CYTH1: variants seen among roughly 807,000 people sequenced by gnomAD.
The protein encoded by CYTH1 is cytohesin-1.
A neutral mutation model predicts 61.8 loss-of-function variants in CYTH1; 18 were observed. The observed-to-expected ratio is 0.29, with a 90% CI of 0.20 to 0.43. The LOEUF (loss-of-function observed/expected upper bound fraction) is 0.43, where lower values mean the gene tolerates loss of function less well. Ranked by LOEUF, CYTH1 falls within the 20% of genes least tolerant of loss-of-function variation. CYTH1 has a pLI of 1.00. For synonymous variants in CYTH1, 174 were observed against 184.3 expected (o/e 0.94, Z 0.45); for missense variants, 336 against 510.5 (o/e 0.66, Z 3.29).
intron 1 of CYTH1, among the ~76,000 whole-genome samples, chr17:78,748,760 T>C (rs1310225015): frequency 6.6e-6 from 1 of 152,136 alleles, no homozygotes; most frequent in Non-Finnish European, 1.5e-5. Flanking sequence ...TTTTGTCCCT[T>C]GTTGCTTTGG....
At chr17:78,776,358 TG>T (rs2093490875) in intron 1 of CYTH1, among the ~76,000 whole-genome samples, 1 of 151,978 alleles carries the variant, frequency 6.6e-6, no homozygotes, top group Admixed American at 6.6e-5. Context: ...AAATATATAC[TG>T]GCAACAGTAC....
intron 1 of CYTH1, among the ~76,000 whole-genome samples, chr17:78,766,452 T>C (rs2093449055): frequency 6.6e-6 from 1 of 152,158 alleles, no homozygotes; most frequent in Non-Finnish European, 1.5e-5. Flanking sequence ...GTAATTCTTG[T>C]TGCCACAACA....
At chr17:78,680,945 C>A (rs1326670643) in intron 12 of CYTH1, 26 bp downstream of exon 12, 2 of 1,612,726 alleles carry the variant, frequency 1.2e-6, no homozygotes, top group South Asian at 2.2e-5. Flanking sequence ...TTTCTCCCCT[C>A]AAAATATCTC....
chr17:78,769,691 G>A (rs964243154), intron 1 of CYTH1, among the ~76,000 whole-genome samples: 2 of 152,172 alleles, frequency 1.3e-5, no homozygotes, highest in Non-Finnish European at 2.9e-5. Flanking sequence ...CATGCTTGTT[G>A]ACTGAATAAA....
At chr17:78,759,540 G>GTAGCTATATACTTGGTAGC (rs1255995978) in intron 1 of CYTH1, among the ~76,000 whole-genome samples, 6 of 152,208 alleles carry the variant, frequency 3.9e-5, no homozygotes, top group Admixed American at 3.9e-4. Context: ...AAGTGGGTAG[G>GTAGCTATATACTTGGTAGC]TAGCTATATA....
At chr17:78,711,527 G>C (rs1221773174) in intron 1 of CYTH1, among the ~76,000 whole-genome samples, 3 of 151,988 alleles carry the variant, frequency 2.0e-5, no homozygotes, top group Non-Finnish European at 4.4e-5. Context: ...CTCTGCTTGA[G>C]AGCACAGTTA....
At chr17:78,684,436 C>T (rs545037783) in intron 11 of CYTH1, among the ~76,000 whole-genome samples, 3 of 152,334 alleles carry the variant, frequency 2.0e-5, no homozygotes, top group Admixed American at 6.5e-5. Context: ...GCAGGCTGCA[C>T]CCCTCAGTGA....
chr17:78,691,048 G>C (rs1030390336), intron 11 of CYTH1, among the ~76,000 whole-genome samples: 2 of 152,218 alleles, frequency 1.3e-5, no homozygotes, highest in Non-Finnish European at 2.9e-5. Flanking sequence ...GGTACTTTGG[G>C]GGTGAAGCAG....
At chr17:78,773,029 C>T (rs2093477787) in intron 1 of CYTH1, among the ~76,000 whole-genome samples, 2 of 152,162 alleles carry the variant, frequency 1.3e-5, no homozygotes, top group Admixed American at 1.3e-4. Context: ...GATGGGTTTT[C>T]ACCATGTTGC....
chr17:78,733,458 T>A (rs1422172364), intron 1 of CYTH1, among the ~76,000 whole-genome samples: 1 of 152,238 alleles, frequency 6.6e-6, no homozygotes, highest in Non-Finnish European at 1.5e-5. Flanking sequence ...CTCAGCTCTT[T>A]TTTTTTTCTC....
chr17:78,777,419 AAAAT>A (rs1567889266), intron 1 of CYTH1, among the ~76,000 whole-genome samples: 1 of 152,194 alleles, frequency 6.6e-6, no homozygotes, highest in Non-Finnish European at 1.5e-5. Flanking sequence ...CTCCGTCTCA[AAAAT>A]AAATAAATAA....
chr17:78,755,999 T>C (rs2093399291), intron 1 of CYTH1, among the ~76,000 whole-genome samples: 1 of 151,762 alleles, frequency 6.6e-6, no homozygotes, highest in Admixed American at 6.6e-5. Context: ...TGCTTTATTG[T>C]GATAGTGGTT....
At chr17:78,747,161 A>AG (rs888394001) in intron 1 of CYTH1, among the ~76,000 whole-genome samples, 2 of 150,838 alleles carry the variant, frequency 1.3e-5, no homozygotes, top group Non-Finnish European at 3.0e-5. Flanking sequence ...AAAAAAAAAA[A>AG]AAAAAAAAAG....
intron 1 of CYTH1, among the ~76,000 whole-genome samples, chr17:78,734,368 C>T (rs1365685426): frequency 6.7e-6 from 1 of 148,426 alleles, no homozygotes; most frequent in Non-Finnish European, 1.5e-5. Flanking sequence ...CACTAACACA[C>T]ATATACAGAA....
chr17:78,780,527 AAAAC>A (rs990156576), intron 1 of CYTH1, among the ~76,000 whole-genome samples: 1 of 152,024 alleles, frequency 6.6e-6, no homozygotes, highest in Non-Finnish European at 1.5e-5. Flanking sequence ...AAAACACAAC[AAAAC>A]AAACAACAAA....
intron 1 of CYTH1, among the ~76,000 whole-genome samples, chr17:78,727,396 T>C (rs745382739): frequency 6.6e-6 from 1 of 152,176 alleles, no homozygotes; most frequent in African/African-American, 2.4e-5. Context: ...GCTAGGAGCA[T>C]AAAATCTTCT....
intron 11 of CYTH1, among the ~76,000 whole-genome samples, chr17:78,688,975 A>G (rs2092847466): frequency 6.6e-6 from 1 of 152,142 alleles, no homozygotes; most frequent in African/African-American, 2.4e-5. Flanking sequence ...TTTTCAAAGA[A>G]GCTCTCCAGT....
chr17:78,781,171 A>C (rs1181830892), intron 1 of CYTH1, among the ~76,000 whole-genome samples: 1 of 137,396 alleles, frequency 7.3e-6, no homozygotes, highest in Non-Finnish European at 1.6e-5. Flanking sequence ...CTCGTCTCTT[A>C]AAAAAAAAAA....
chr17:78,729,504 G>T (rs1360982506), intron 1 of CYTH1, among the ~76,000 whole-genome samples: 1 of 152,162 alleles, frequency 6.6e-6, no homozygotes, highest in Non-Finnish European at 1.5e-5. Context: ...ATACTGTCAG[G>T]GGAGTGGGCT....
Sources: gnomAD v4.1 joint callset for allele counts (sites outside exome capture counted in the v4.1 genomes callset) on GRCh38, gnomAD v4.1.1 for gene constraint, MANE v1.5 for transcripts, NCBI Gene and HGNC (gene_info 2026-07-23, HGNC 2026-07-21) for gene names.